The following MAD1L1 variants were observed in gnomAD, a reference collection of about 807,000 sequenced individuals.
MAD1L1 encodes mitotic spindle assembly checkpoint protein MAD1.
Under a neutral mutation model 96.9 loss-of-function variants are expected in MAD1L1, and 95 were observed. The ratio of observed to expected loss-of-function variants is 0.98; its 90% confidence interval spans 0.83 to 1.16. The LOEUF is 1.16. MAD1L1 is among the 50% of genes most tolerant of loss of function. The pLI, the probability that MAD1L1 is intolerant of heterozygous loss-of-function variation, is 0.00. For synonymous variants in MAD1L1, 473 were observed against 396.6 expected, an observed-to-expected ratio of 1.19 and a Z score of -2.29; for missense variants, 1,007 against 954.4, an observed-to-expected ratio of 1.06 and a Z score of -0.73.
chr7:1,982,951 ATTCTATAAATTGAT>A (rs1202882358), intron 14 of MAD1L1, among the ~76,000 whole-genome samples: 5 of 152,162 alleles, frequency 3.3e-5, no homozygotes, highest in African/African-American at 1.2e-4. Context: ...TGAAGAGGGT[ATTCTATAAATTGAT>A]ATCCTAAAAT....
At chr7:1,990,766 G>A (rs1781373147) in intron 14 of MAD1L1, among the ~76,000 whole-genome samples, 1 of 144,358 alleles carries the variant, frequency 6.9e-6, no homozygotes, top group African/African-American at 2.6e-5. Flanking sequence ...GAGCGCCACT[G>A]CTGGCCTCAC....
Position 1,818,136 on chromosome 7 carries a change from C to T in MAD1L1, c.1999-1908G>A, listed in dbSNP as rs570219037. On this transcript the variant is annotated intron_variant, in intron 18 of 18. Transcript: ENST00000265854. ...GCCTTCTGCTCTTGATTCTGAATTT[C>T]TCCCCCTAAATGTCAGAGGGGCTGA... Among the ~76,000 whole-genome samples the T allele has an allele frequency of 7.3e-4, 111 of 152,258 alleles. 1 individual carries two copies. Among genetic ancestry groups the T allele is most frequent in the Non-Finnish European group, 1.1e-3 (74 of 68,008 alleles).
At chr7:2,118,988 C>T (rs552635262) in intron 11 of MAD1L1, among the ~76,000 whole-genome samples, 4 of 152,242 alleles carry the variant, frequency 2.6e-5, no homozygotes, top group South Asian at 2.1e-4. Context: ...AAGCTCCACA[C>T]GCCCAGCTGC....
chr7:2,084,898 G>A (rs771013953), intron 11 of MAD1L1, among the ~76,000 whole-genome samples: 4 of 152,134 alleles, frequency 2.6e-5, no homozygotes, highest in Admixed American at 6.5e-5. Context: ...TAAGAAACTC[G>A]CCACATGTGG....
In MAD1L1 at chr7:2,031,509, C is replaced by T. The variant is rs116811281; in HGVS notation, c.1219-16867G>A. Among the ~76,000 whole-genome samples, 1,466 of 152,362 alleles carry T rather than the reference C, an allele frequency of 9.6e-3. 24 individuals carry two copies. Among genetic ancestry groups the T allele is most frequent in the African/African-American group, 0.033 (1,377 of 41,586 alleles). The stretch of plus-strand genomic sequence containing the variant: ...ACTTACATTTCACACTGCTCTATGA[C>T]AAATTCCACTTCATTTGTGTTCGCT... On this transcript the variant is annotated intron_variant, in intron 12 of 18. Transcript: ENST00000265854.
chr7:2,016,543 C>G (rs1242049016), intron 12 of MAD1L1, among the ~76,000 whole-genome samples: 1 of 152,236 alleles, frequency 6.6e-6, no homozygotes, highest in Non-Finnish European at 1.5e-5. Flanking sequence ...TGCTCCCCAG[C>G]ACTGATGACT....
intron 14 of MAD1L1, among the ~76,000 whole-genome samples, chr7:1,982,697 T>C (rs752373058): frequency 6.6e-6 from 1 of 152,260 alleles, no homozygotes; most frequent in African/African-American, 2.4e-5. Flanking sequence ...CTTGGGTTTC[T>C]TTCCCTTGTC....
intron 18 of MAD1L1, among the ~76,000 whole-genome samples, chr7:1,841,363 G>C (rs562460495): frequency 6.9e-4 from 105 of 152,348 alleles, no homozygotes; most frequent in Non-Finnish European, 9.6e-4. Context: ...AAACAGACGA[G>C]AAGTCATTCA....
At chr7:2,090,418 G>A (rs1452137247) in intron 11 of MAD1L1, among the ~76,000 whole-genome samples, 2 of 152,218 alleles carry the variant, frequency 1.3e-5, no homozygotes, top group Non-Finnish European at 2.9e-5. Flanking sequence ...ACGACTAGGT[G>A]TACAGAAAAG....
Position 1,903,076 on chromosome 7 carries a change from G to A in MAD1L1, c.1808-4686C>T, listed in dbSNP as rs139136912. ...TGGAAGACACTCTTGTGGAATTCAT[G>A]ATTAATGAAGCACTGTTCCAGGCAG... On this transcript the variant is annotated intron_variant, in intron 17 of 18. Transcript: ENST00000265854. Among the ~76,000 whole-genome samples the A allele has an allele frequency of 9.5e-3, 1,435 of 151,428 alleles. 32 individuals carry two copies. The East Asian group carries it at 0.1, about 11-fold the overall frequency.
rs1227874919 is a variant in MAD1L1 at position 1,968,636 on chromosome 7, C to T, written c.1506-10917G>A. Among the ~76,000 whole-genome samples, 1 of 152,262 alleles carries T rather than the reference C, an allele frequency of 6.6e-6. No individual in the cohort carries two copies. Among genetic ancestry groups the T allele is most frequent in the Non-Finnish European group, 1.5e-5 (1 of 68,048 alleles). The stretch of plus-strand genomic sequence containing the variant: ...GCTGTCAACGCCTCAGTCCAGCGGT[C>T]AGGTCCACCTGCTGTTGCGTGGATG... On this transcript the variant is annotated intron_variant, in intron 15 of 18. Transcript: ENST00000265854. This position sits in a 1 kb window ranked among gnomAD's most constrained non-coding sequence, Gnocchi z 5.6.
intron 14 of MAD1L1, among the ~76,000 whole-genome samples, chr7:1,992,500 T>C (rs1420077045): frequency 6.6e-6 from 1 of 152,238 alleles, no homozygotes; most frequent in Admixed American, 6.5e-5. Flanking sequence ...ACTGAGCACC[T>C]GCCCTGGGAT....
chr7:2,089,730 G>A (rs1321207007), intron 11 of MAD1L1, among the ~76,000 whole-genome samples: 2 of 150,742 alleles, frequency 1.3e-5, no homozygotes, highest in African/African-American at 2.4e-5. Flanking sequence ...TGTCCCCGGG[G>A]CCCACCCCAT....
chr7:1,911,385 G>C (rs1788006731), intron 17 of MAD1L1, among the ~76,000 whole-genome samples: 1 of 151,980 alleles, frequency 6.6e-6, no homozygotes, highest in African/African-American at 2.4e-5. Flanking sequence ...ACTGCCCCCG[G>C]CGCAGTCACT....
intron 11 of MAD1L1, among the ~76,000 whole-genome samples, chr7:2,125,580 C>T (rs1253577917): frequency 6.6e-6 from 1 of 152,210 alleles, no homozygotes; most frequent in African/African-American, 2.4e-5. Context: ...ATTCTAGCTA[C>T]AACCCCCACC....
intron 17 of MAD1L1, among the ~76,000 whole-genome samples, chr7:1,899,911 C>T (rs1387647359): frequency 3.3e-5 from 5 of 152,194 alleles, no homozygotes; most frequent in Admixed American, 6.5e-5. Flanking sequence ...ATGGAGGACG[C>T]GGGAGGGGCC....
At chr7:1,996,212 C>T (rs545079248) in intron 14 of MAD1L1, among the ~76,000 whole-genome samples, 14 of 150,432 alleles carry the variant, frequency 9.3e-5, no homozygotes, top group African/African-American at 3.2e-4. Context: ...GGTCTACACA[C>T]GGCTCCTGGG....
intron 10 of MAD1L1, among the ~76,000 whole-genome samples, chr7:2,192,400 G>A (rs141264912): frequency 2.0e-5 from 3 of 152,240 alleles, no homozygotes; most frequent in African/African-American, 7.2e-5. Context: ...CCAAACTGCT[G>A]GGATAACAGG....
intron 18 of MAD1L1, chr7:1,829,423 T>C (rs960296491): frequency 4.6e-5 from 7 of 152,226 alleles, no homozygotes; most frequent in African/African-American, 1.7e-4. Flanking sequence ...CAACCACGGA[T>C]AGAAGCAGAA....
Sources: allele counts gnomAD v4.1 joint callset (sites outside exome capture counted in the v4.1 genomes callset), GRCh38; gene constraint gnomAD v4.1.1; non-coding constraint Gnocchi (gnomAD v3.1); transcripts MANE v1.5; gene names NCBI Gene and HGNC (gene_info 2026-07-23, HGNC 2026-07-21).